FANCB: variants seen among roughly 807,000 people sequenced by gnomAD.
The protein encoded by FANCB is Fanconi anemia group B protein.
FANCB carries 5 observed loss-of-function variants against 38.9 expected under a neutral mutation model. The observed-to-expected ratio is 0.13, with a 90% CI of 0.07 to 0.27. The LOEUF is 0.27. Ranked by LOEUF, FANCB falls within the 10% of genes least tolerant of loss-of-function variation. The pLI, the probability that FANCB is intolerant of heterozygous loss-of-function variation, is 1.00. For synonymous variants in FANCB, 236 were observed against 215.4 expected, an observed-to-expected ratio of 1.10 and a Z score of -0.84; for missense variants, 573 against 602.7, an observed-to-expected ratio of 0.95 and a Z score of 0.52.
At chrX:14,862,550 G>A (rs2092451371) in intron 3 of FANCB, among the ~76,000 whole-genome samples, 1 of 111,921 alleles carries the variant, frequency 8.9e-6, no homozygotes, top group Middle Eastern at 4.6e-3. Flanking sequence ...AGTGACGATT[G>A]CAATTAATGA....
chrX:14,795,806 G>T, the FANCB span, among the ~76,000 whole-genome samples: 1 of 111,884 alleles, frequency 8.9e-6, no homozygotes, highest in African/African-American at 3.2e-5. Context: ...AGGCAATTCT[G>T]AGTGCACAGA....
At chrX:14,780,800 C>A in the FANCB span, among the ~76,000 whole-genome samples, 2 of 105,853 alleles carry the variant, frequency 1.9e-5, no homozygotes, top group Non-Finnish European at 3.8e-5. Flanking sequence ...ACAAAATATT[C>A]TTGGTTTTTT....
chrX:14,736,685 C>T, the FANCB span, among the ~76,000 whole-genome samples: 1 of 111,788 alleles, frequency 8.9e-6, no homozygotes, highest in Admixed American at 9.4e-5. Flanking sequence ...TCCTATTTGG[C>T]CATCTTCCAA....
At chrX:14,829,993 T>A in the FANCB span, among the ~76,000 whole-genome samples, 1 of 112,181 alleles carries the variant, frequency 8.9e-6, no homozygotes, top group Non-Finnish European at 1.9e-5. Flanking sequence ...CAGCTTCTGA[T>A]TTCAAGTGAG....
the FANCB span, among the ~76,000 whole-genome samples, chrX:14,692,403 A>G: frequency 8.9e-6 from 1 of 112,090 alleles, no homozygotes; most frequent in African/African-American, 3.2e-5. Flanking sequence ...TTACGATGGT[A>G]TTTCAACACA....
the FANCB span, among the ~76,000 whole-genome samples, chrX:14,729,459 C>T: frequency 9.0e-6 from 1 of 111,514 alleles, no homozygotes; most frequent in South Asian, 3.7e-4. Context: ...GGAATAAATA[C>T]AATTTTTCAG....
chrX:14,817,522 T>C, the FANCB span, among the ~76,000 whole-genome samples: 1 of 111,233 alleles, frequency 9.0e-6, no homozygotes, highest in African/African-American at 3.3e-5. Context: ...AAGTAACAGG[T>C]CTGACATTAA....
Position 14,858,726 on chromosome X carries a change from G to GA in FANCB, c.1104+455dup, listed in dbSNP as rs1404612162. On this transcript the variant is annotated intron_variant, in intron 4 of 9. Transcript: ENST00000650831. Reference sequence around the variant, plus strand: ...TTAAAATTATGCTAATTTTACAAATGAAAAAACTGAGGCTTAGAGAGATTT... The same window carrying GA: ...TTAAAATTATGCTAATTTTACAAATGAAAAAAACTGAGGCTTAGAGAGATTT... Among the ~76,000 whole-genome samples the GA allele has an allele frequency of 2.7e-5, 3 of 110,996 alleles. No individual in the cohort carries two copies. The Admixed American group carries it at 2.9e-4, about 11-fold the overall frequency.
chrX:14,793,081 T>A, the FANCB span, among the ~76,000 whole-genome samples: 2 of 112,367 alleles, frequency 1.8e-5, no homozygotes, highest in Non-Finnish European at 3.8e-5. Context: ...ATGGAATTTA[T>A]CTTTATTTCA....
the FANCB span, among the ~76,000 whole-genome samples, chrX:14,815,739 C>A: frequency 2.7e-5 from 3 of 112,132 alleles, no homozygotes; most frequent in Non-Finnish European, 5.6e-5. Context: ...GCACTGTTCA[C>A]CATAGCAAAG....
the FANCB span, among the ~76,000 whole-genome samples, chrX:14,792,106 A>C: frequency 8.9e-6 from 1 of 111,873 alleles, no homozygotes; most frequent in Non-Finnish European, 1.9e-5. Flanking sequence ...TTCACTAAAA[A>C]TGTATGATAG....
the FANCB span, among the ~76,000 whole-genome samples, chrX:14,741,190 T>C: frequency 2.7e-5 from 3 of 111,766 alleles, no homozygotes; most frequent in Non-Finnish European, 5.6e-5. Flanking sequence ...AACCTAGTAT[T>C]ACCCAGTTAG....
At chrX:14,805,005 C>G in the FANCB span, among the ~76,000 whole-genome samples, 8 of 112,056 alleles carry the variant, frequency 7.1e-5, no homozygotes, top group African/African-American at 2.6e-4. Context: ...TAATCTACAC[C>G]TCCAGTCCTG....
At chrX:14,861,324 A>G (rs1283067471) in intron 3 of FANCB, among the ~76,000 whole-genome samples, 1 of 112,253 alleles carries the variant, frequency 8.9e-6, no homozygotes, top group African/African-American at 3.2e-5. Context: ...AAGTCCTATT[A>G]CCACATTAAA....
At chrX:14,825,437 G>T in the FANCB span, among the ~76,000 whole-genome samples, 1 of 111,065 alleles carries the variant, frequency 9.0e-6, no homozygotes, top group Non-Finnish European at 1.9e-5. Flanking sequence ...CTATATCTCA[G>T]TTTACTAATT....
At chrX:14,760,567 A>G in the FANCB span, among the ~76,000 whole-genome samples, 1 of 112,305 alleles carries the variant, frequency 8.9e-6, no homozygotes, top group Non-Finnish European at 1.9e-5. Context: ...GGGATATGCT[A>G]AATGCACTGA....
At chrX:14,801,094 C>T in the FANCB span, among the ~76,000 whole-genome samples, 2 of 111,517 alleles carry the variant, frequency 1.8e-5, no homozygotes, top group Non-Finnish European at 1.9e-5. Context: ...TGACCGTGGG[C>T]GTGGCTGCTG....
chrX:14,691,326 CGCGCGTGCGTGCGTGT>C, the FANCB span, among the ~76,000 whole-genome samples: 1 of 69,150 alleles, frequency 1.4e-5, no homozygotes, highest in East Asian at 3.6e-4. Flanking sequence ...TGTGTGTGTG[CGCGCGTGCGTGCGTGT>C]ACATCACTGA....
chrX:14,855,874 C>T (rs1192681039), intron 5 of FANCB, among the ~76,000 whole-genome samples: 1 of 111,979 alleles, frequency 8.9e-6, no homozygotes, highest in Non-Finnish European at 1.9e-5. Flanking sequence ...TCAGTGTTCT[C>T]CTTATCTCTC....
Sources: allele counts gnomAD v4.1 joint callset (sites outside exome capture counted in the v4.1 genomes callset), GRCh38; gene constraint gnomAD v4.1.1; transcripts MANE v1.5; gene names NCBI Gene and HGNC (gene_info 2026-07-23, HGNC 2026-07-21).